Variants in RBMS3 observed in about 807,000 individuals in gnomAD.
The protein encoded by RBMS3 is RNA binding motif single stranded interacting protein 3, also known as RNA-binding motif, single-stranded-interacting protein 3.
RBMS3 carries 27 observed loss-of-function variants against 66.8 expected under a neutral mutation model. The ratio of observed to expected loss-of-function variants is 0.40; its 90% CI spans 0.30 to 0.56. The LOEUF is 0.56. RBMS3 is among the 20% of genes least tolerant of loss of function. The pLI, the probability that RBMS3 is intolerant of heterozygous loss-of-function variation, is 0.40. For synonymous variants in RBMS3, 188 were observed against 183.0 expected, an observed-to-expected ratio of 1.03 and a Z score of -0.22; for missense variants, 513 against 549.5, an observed-to-expected ratio of 0.93 and a Z score of 0.66.
chr3:29,511,082 A>G (rs1027497654), intron 3 of RBMS3, among the ~76,000 whole-genome samples: 1 of 152,146 alleles, frequency 6.6e-6, no homozygotes, highest in East Asian at 1.9e-4. Context: ...GTGGATCACT[A>G]GGTGAGGAGA....
chr3:29,582,340 G>T (rs2047362049), intron 3 of RBMS3, among the ~76,000 whole-genome samples: 1 of 152,154 alleles, frequency 6.6e-6, no homozygotes, highest in African/African-American at 2.4e-5. Flanking sequence ...AGTGTATTTG[G>T]CAAATGACCT....
At chr3:29,600,785 A>G (rs895146273) in intron 4 of RBMS3, among the ~76,000 whole-genome samples, 5 of 152,072 alleles carry the variant, frequency 3.3e-5, no homozygotes, top group Non-Finnish European at 7.4e-5. Flanking sequence ...TTAGGGAAAA[A>G]TGGTCATAGT....
chr3:30,009,591 C>A lies in RBMS3; in HGVS notation c.*5729C>A, dbSNP rs765334368. ...CTCCACTAAATTTGAACCAGTAGCACGGATCAACACGACTTCTGCAATGAG... is the reference window on the plus strand; with the variant it reads ...CTCCACTAAATTTGAACCAGTAGCAAGGATCAACACGACTTCTGCAATGAG... On this transcript the variant is annotated 3_prime_UTR_variant, in exon 15 of 15. Transcript: ENST00000383767. 1.3e-5 allele frequency: 2 copies of A among 152,094 alleles called. No individual in the cohort carries two copies. The highest frequency in any genetic ancestry group is 2.9e-5 in the Non-Finnish European group (2 of 67,988). 9.4% of individuals were successfully genotyped at this position (152,094 alleles called of 1,614,324 possible). A position where few individuals can be genotyped will look rare whatever the true frequency, so the allele number is the denominator to read the frequency against.
At chr3:29,618,274 C>A (rs938987585) in intron 4 of RBMS3, among the ~76,000 whole-genome samples, 7 of 152,078 alleles carry the variant, frequency 4.6e-5, no homozygotes, top group Non-Finnish European at 8.8e-5. Flanking sequence ...GCAGGTGGAA[C>A]CCCTGAGGTC....
At chr3:29,729,522 C>T (rs2149333746) in intron 4 of RBMS3, among the ~76,000 whole-genome samples, 1 of 152,218 alleles carries the variant, frequency 6.6e-6, no homozygotes. Flanking sequence ...ATTGCTGGAT[C>T]AAATGCTATT....
chr3:29,721,509 C>T (rs73829324), intron 4 of RBMS3, among the ~76,000 whole-genome samples: 9,098 of 152,108 alleles, frequency 0.06, 895 homozygotes, highest in African/African-American at 0.21. Flanking sequence ...CCAGTAGCAG[C>T]CCCTACAGTG....
At chr3:29,844,356 G>A (rs939699501) in intron 6 of RBMS3, among the ~76,000 whole-genome samples, 2 of 152,136 alleles carry the variant, frequency 1.3e-5, no homozygotes, top group Non-Finnish European at 2.9e-5. Flanking sequence ...TTATAAAGCA[G>A]TTATGACTAG....
intron 14 of RBMS3, among the ~76,000 whole-genome samples, chr3:29,994,784 A>G (rs1325362735): frequency 6.6e-6 from 1 of 152,226 alleles, no homozygotes; most frequent in Non-Finnish European, 1.5e-5. Context: ...CATCACCATC[A>G]TCAAAGACCA....
At position 30,003,961 on chromosome 3, in the gene RBMS3, C is replaced by A; in HGVS notation, c.*99C>A. On this transcript the variant is annotated 3_prime_UTR_variant, in exon 15 of 15. Transcript: ENST00000383767. The stretch of plus-strand genomic sequence containing the variant: ...AGTTTGCACAGACGTCAATGGAATG[C>A]ATTTTTTTGTTGTTGTTGTTGTTTT... The A allele has an allele frequency of 3.9e-6, 4 of 1,026,992 alleles. No individual in the cohort carries two copies. The highest frequency in any genetic ancestry group is 5.3e-6 in the Non-Finnish European group (4 of 749,282). The allele number at this position is 1,026,992 out of a possible 1,614,324, so 63.6% of individuals were successfully genotyped here. A position where few individuals can be genotyped will look rare whatever the true frequency, so the allele number is the denominator to read the frequency against.
At chr3:29,782,349 T>A (rs2056665612) in intron 6 of RBMS3, among the ~76,000 whole-genome samples, 1 of 152,190 alleles carries the variant, frequency 6.6e-6, no homozygotes, top group African/African-American at 2.4e-5. Flanking sequence ...ATGGATCATA[T>A]CACAAGACTC....
At chr3:29,339,819 A>G (rs13097390) in intron 1 of RBMS3, among the ~76,000 whole-genome samples, 140,293 of 152,174 alleles carry the variant, frequency 0.92, 64,766 homozygotes, top group African/African-American at 0.97. Flanking sequence ...AATGCCTTGA[A>G]AAGAGACGAA....
At chr3:29,312,664 CT>C (rs1394291205) in intron 1 of RBMS3, among the ~76,000 whole-genome samples, 1 of 151,172 alleles carries the variant, frequency 6.6e-6, no homozygotes, top group Non-Finnish European at 1.5e-5. Flanking sequence ...GTCACTCTCT[CT>C]CCTTTTCTCT....
At chr3:29,943,330 G>A (rs2149702631) in intron 11 of RBMS3, among the ~76,000 whole-genome samples, 1 of 151,932 alleles carries the variant, frequency 6.6e-6, no homozygotes, top group East Asian at 1.9e-4. Flanking sequence ...CCCCTCCAAG[G>A]GGAGTGGGGA....
intron 1 of RBMS3, among the ~76,000 whole-genome samples, chr3:29,299,746 C>T (rs141514600): frequency 6.6e-6 from 1 of 151,786 alleles, no homozygotes; most frequent in African/African-American, 2.4e-5. Flanking sequence ...AAACACTACA[C>T]CATGATATAT....
intron 1 of RBMS3, among the ~76,000 whole-genome samples, chr3:29,306,267 T>G (rs547551215): frequency 6.6e-6 from 1 of 152,064 alleles, no homozygotes; most frequent in East Asian, 2.0e-4. Context: ...AGGTGGACTC[T>G]TGACTCAATC....
At chr3:29,305,091 C>T (rs1392685181) in intron 1 of RBMS3, among the ~76,000 whole-genome samples, 2 of 151,922 alleles carry the variant, frequency 1.3e-5, no homozygotes, top group East Asian at 2.0e-4. Context: ...CCTTTCAAGC[C>T]CCAGGACCTT....
intron 6 of RBMS3, among the ~76,000 whole-genome samples, chr3:29,829,351 G>A (rs900833766): frequency 3.3e-5 from 5 of 152,104 alleles, no homozygotes; most frequent in Non-Finnish European, 7.4e-5. Flanking sequence ...AGCAACAAGT[G>A]AGTTTCTTAG....
At chr3:29,470,010 A>C (rs1005374708) in intron 2 of RBMS3, among the ~76,000 whole-genome samples, 16 of 147,672 alleles carry the variant, frequency 1.1e-4, no homozygotes, top group Non-Finnish European at 2.1e-4. Flanking sequence ...ATTATATAAT[A>C]TGTAATTCAA....
intron 2 of RBMS3, among the ~76,000 whole-genome samples, chr3:29,480,921 C>G (rs1038384658): frequency 2.6e-5 from 4 of 152,010 alleles, no homozygotes; most frequent in Admixed American, 6.5e-5. Context: ...AAAGGAGAAG[C>G]AGGTCTTCTT....
Sources: allele counts gnomAD v4.1 joint callset (sites outside exome capture counted in the v4.1 genomes callset), GRCh38; gene constraint gnomAD v4.1.1; transcripts MANE v1.5; gene names NCBI Gene and HGNC (gene_info 2026-07-23, HGNC 2026-07-21).